The following PRR16 variants were observed in gnomAD, a reference collection of about 807,000 sequenced individuals.
PRR16 encodes the protein proline rich 16.
Under a neutral mutation model 18.2 loss-of-function variants are expected in PRR16, and 6 were observed. That is an observed-to-expected ratio of 0.33 (90% CI 0.18 to 0.65). The LOEUF is 0.65. PRR16 is among the 30% of genes least tolerant of loss of function. The pLI, the probability that PRR16 is intolerant of heterozygous loss-of-function variation, is 0.74. For synonymous variants in PRR16, 151 were observed against 147.8 expected, an observed-to-expected ratio of 1.02 and a Z score of -0.16; for missense variants, 412 against 376.6, an observed-to-expected ratio of 1.09 and a Z score of -0.78.
intron 1 of PRR16, among the ~76,000 whole-genome samples, chr5:120,670,365 G>A (rs1473391785): frequency 6.6e-6 from 1 of 151,922 alleles, no homozygotes; most frequent in East Asian, 1.9e-4. Flanking sequence ...AACAGAATGA[G>A]AGCTGTAAAA....
rs116581365 is a variant in PRR16, at chr5:120,497,424, G to A, written c.159+32779G>A. Among the ~76,000 whole-genome samples, 395 of 117,470 alleles carry A rather than the reference G, an allele frequency of 3.4e-3. 3 individuals carry two copies. The highest frequency in any genetic ancestry group is 0.013 in the African/African-American group (376 of 28,838). The allele number at this position is 117,470 out of a possible 152,430, so 77.1% of individuals were successfully genotyped here. On this transcript the variant is annotated intron_variant, in intron 1 of 1. Transcript: ENST00000407149. ...TTTTTTTTTGGAGATGGAGTCTCAC[G>A]CTATCACCTGAGCTGGAGTGCAATG...
At chr5:120,778,723 T>G in the PRR16 span, among the ~76,000 whole-genome samples, 2 of 152,166 alleles carry the variant, frequency 1.3e-5, no homozygotes, top group Non-Finnish European at 1.5e-5. Flanking sequence ...TTAACCTGAT[T>G]AAATTCATAA....
chr5:120,506,110 C>T (rs1718962560), intron 1 of PRR16, among the ~76,000 whole-genome samples: 1 of 151,818 alleles, frequency 6.6e-6, no homozygotes, highest in African/African-American at 2.4e-5. Context: ...AGAAATGATG[C>T]TTTACAAATA....
chr5:120,782,246 C>T, the PRR16 span, among the ~76,000 whole-genome samples: 43 of 152,152 alleles, frequency 2.8e-4, 2 homozygotes, highest in Non-Finnish European at 5.7e-4. Flanking sequence ...AGTGTGTGAC[C>T]AGTTGACCAG....
In PRR16 at chr5:120,609,187, A is replaced by G. The variant is rs1056977504; in HGVS notation, c.160-76767A>G. 1.3e-5 allele frequency among the ~76,000 whole-genome samples: 2 copies of G among 151,994 alleles called. 1 individual carries two copies. Among genetic ancestry groups the G allele is most frequent in the Admixed American group, 1.3e-4 (2 of 15,254 alleles). ...TTGGTATATTGCATTATTAATTTTT[A>G]AAAATTATGGTTAGATATATATAAG... On this transcript the variant is annotated intron_variant, in intron 1 of 1. Coordinates refer to ENST00000407149, the MANE Select transcript of PRR16 (RefSeq NM_001300783.2).
chr5:120,676,419 AC>A (rs1375392080), intron 1 of PRR16, among the ~76,000 whole-genome samples: 1 of 151,848 alleles, frequency 6.6e-6, no homozygotes, highest in Non-Finnish European at 1.5e-5. Context: ...AATGGAGCAC[AC>A]CCCCTTGGTA....
Position 120,686,384 on chromosome 5 carries a change from C to G in PRR16, c.590C>G (p.Pro197Arg). The change falls in exon 2 of 2, where the codon CCC becomes CGC. Residue 197 changes from proline (P) to arginine (R), a missense_variant. Physicochemically the swap from Pro to Arg is moderately radical, Grantham distance 103. Coordinates refer to ENST00000407149, the MANE Select transcript of PRR16 (RefSeq NM_001300783.2). ...LMHRPEKDRCPQAGPRERVRF... is the reference protein window; with the variant it reads ...LMHRPEKDRCRQAGPRERVRF... ...CATAGACCTGAAAAAGACAGATGTC[C>G]CCAGGCAGGGCCTCGAGAACGAGTT... 1.2e-6 allele frequency: 2 copies of G among 1,614,096 alleles called. No homozygotes were observed.
chr5:120,510,213 C>T (rs960116240), intron 1 of PRR16, among the ~76,000 whole-genome samples: 22 of 152,166 alleles, frequency 1.4e-4, no homozygotes, highest in Non-Finnish European at 2.9e-4. Flanking sequence ...GAATGATTTA[C>T]ACCTGTCTCT....
At chr5:120,494,934 T>A (rs576256389) in intron 1 of PRR16, among the ~76,000 whole-genome samples, 1 of 152,110 alleles carries the variant, frequency 6.6e-6, no homozygotes, top group Non-Finnish European at 1.5e-5. Context: ...TGTATTCTGT[T>A]CCATTGTTCT....
the PRR16 span, among the ~76,000 whole-genome samples, chr5:120,699,297 C>A: frequency 2.8e-4 from 42 of 152,250 alleles, no homozygotes; most frequent in Non-Finnish European, 5.0e-4. Context: ...CATAACCTGT[C>A]TTTGCTGGTG....
chr5:120,537,925 C>T (rs1226884418), intron 1 of PRR16, among the ~76,000 whole-genome samples: 63 of 151,032 alleles, frequency 4.2e-4, no homozygotes, highest in African/African-American at 1.3e-3. Context: ...TACAGGCGCC[C>T]GCCACTACGC....
At chr5:120,767,007 C>T in the PRR16 span, among the ~76,000 whole-genome samples, 4 of 151,846 alleles carry the variant, frequency 2.6e-5, no homozygotes, top group Non-Finnish European at 5.9e-5. Context: ...GTTTTAAAAT[C>T]TGATGTAAAA....
chr5:120,746,432 AT>A, the PRR16 span, among the ~76,000 whole-genome samples: 125,338 of 151,396 alleles, frequency 0.83, 53,378 homozygotes, highest in East Asian at 0.94. Context: ...GAACTCAGAG[AT>A]TTTTTTTTTT....
At chr5:120,745,855 C>T in the PRR16 span, among the ~76,000 whole-genome samples, 7 of 133,304 alleles carry the variant, frequency 5.3e-5, no homozygotes, top group East Asian at 4.2e-4. Flanking sequence ...CCCGCCACCA[C>T]GCCCGGGTAA....
At chr5:120,567,303 C>T (rs918153212) in intron 1 of PRR16, among the ~76,000 whole-genome samples, 1 of 152,104 alleles carries the variant, frequency 6.6e-6, no homozygotes, top group Non-Finnish European at 1.5e-5. Flanking sequence ...GTCCTGACAA[C>T]CTGCCTACCT....
At chr5:120,677,760 A>G (rs553723201) in intron 1 of PRR16, among the ~76,000 whole-genome samples, 39 of 152,184 alleles carry the variant, frequency 2.6e-4, no homozygotes, top group African/African-American at 8.4e-4. Context: ...TCTTAAGGCA[A>G]TTGAATTATA....
At chr5:120,570,531 T>A (rs1407427302) in intron 1 of PRR16, among the ~76,000 whole-genome samples, 1 of 152,178 alleles carries the variant, frequency 6.6e-6, no homozygotes, top group Admixed American at 6.6e-5. Context: ...TACATGCAAG[T>A]ACCCAGGATA....
chr5:120,484,582 T>C (rs1332015811), intron 1 of PRR16, among the ~76,000 whole-genome samples: 2 of 146,172 alleles, frequency 1.4e-5, no homozygotes, highest in African/African-American at 2.5e-5. Flanking sequence ...TATTCATTTA[T>C]ATATAGTATA....
At chr5:120,562,024 G>A (rs1215130693) in intron 1 of PRR16, among the ~76,000 whole-genome samples, 2 of 152,076 alleles carry the variant, frequency 1.3e-5, no homozygotes, top group African/African-American at 4.8e-5. Context: ...TAAGTCTGAT[G>A]TTTCTTTGAT....
Sources: allele counts gnomAD v4.1 joint callset (sites outside exome capture counted in the v4.1 genomes callset), GRCh38; gene constraint gnomAD v4.1.1; transcripts MANE v1.5; gene names NCBI Gene and HGNC (gene_info 2026-07-23, HGNC 2026-07-21).